The following TTC7B variants were observed in gnomAD, a reference collection of about 807,000 sequenced individuals.
TTC7B encodes the protein tetratricopeptide repeat protein 7B.
In TTC7B, 28 loss-of-function variants were observed where a neutral mutation model predicts 106.8. The observed-to-expected ratio is 0.26, with a 90% CI of 0.19 to 0.36. The LOEUF is 0.36. Among genes scored for constraint, TTC7B ranks in the 10% least tolerant of loss-of-function variants. The pLI, the probability that TTC7B is intolerant of heterozygous loss-of-function variation, is 1.00. For missense variants in TTC7B, 862 were observed against 1,076.4 expected, an observed-to-expected ratio of 0.80 and a Z score of 2.79; for synonymous variants, 405 against 430.6, an observed-to-expected ratio of 0.94 and a Z score of 0.74.
At chr14:90,785,446 C>A (rs1891353768) in intron 2 of TTC7B, among the ~76,000 whole-genome samples, 1 of 152,074 alleles carries the variant, frequency 6.6e-6, no homozygotes, top group Admixed American at 6.6e-5. Flanking sequence ...CCACAGACAG[C>A]CATCTGAACT....
chr14:90,747,263 T>A (rs1324269211), intron 3 of TTC7B, among the ~76,000 whole-genome samples: 3 of 152,204 alleles, frequency 2.0e-5, no homozygotes, highest in Non-Finnish European at 4.4e-5. Flanking sequence ...CACACTCCGT[T>A]GCAGGGAGAA....
chr14:90,551,402 G>A (rs184913760), intron 19 of TTC7B, among the ~76,000 whole-genome samples: 262 of 152,238 alleles, frequency 1.7e-3, no homozygotes, highest in African/African-American at 6.1e-3. Flanking sequence ...CTCTAAGAGT[G>A]GGTTCCCTGA....
chr14:90,727,208 G>A (rs1889139183), intron 5 of TTC7B, among the ~76,000 whole-genome samples: 1 of 152,196 alleles, frequency 6.6e-6, no homozygotes, highest in Non-Finnish European at 1.5e-5. Context: ...GCTGGGAACT[G>A]TCTGTGGGCG....
intron 12 of TTC7B, 62 bp from the exon 13 acceptor site, chr14:90,652,960 AC>A: frequency 6.4e-7 from 1 of 1,553,564 alleles, no homozygotes; most frequent in Non-Finnish European, 8.9e-7. Flanking sequence ...CAAATACAAA[AC>A]CCATCACAAA....
At chr14:90,596,806 A>G (rs1185148435) in intron 17 of TTC7B, among the ~76,000 whole-genome samples, 1 of 152,228 alleles carries the variant, frequency 6.6e-6, no homozygotes, top group African/African-American at 2.4e-5. Context: ...TACCAGGCCC[A>G]TACTAAGTAT....
rs559669801 is a variant in TTC7B at position 90,552,177 on chromosome 14, G to A, written c.2311-10588C>T. ...CCAGCCCCACAGCCCCACACCTCCT[G>A]CACACCTCTGCCCGTCAGAGCTCCA... On this transcript the variant is annotated intron_variant, in intron 19 of 19. Coordinates refer to ENST00000328459, the MANE Select transcript of TTC7B (RefSeq NM_001010854.2). Among the ~76,000 whole-genome samples the A allele has an allele frequency of 7.2e-5, 11 of 152,262 alleles. No individual in the cohort carries two copies. In the South Asian group the frequency reaches 1.2e-3, roughly 17 times the overall value.
intron 1 of TTC7B, 131 bp downstream of exon 1, chr14:90,816,044 C>A: frequency 1.0e-6 from 1 of 960,184 alleles, no homozygotes; most frequent in South Asian, 4.7e-5. Context: ...GCGCACATCC[C>A]CTGGGCCGCA....
At chr14:90,806,237 T>A (rs2030598502) in intron 1 of TTC7B, among the ~76,000 whole-genome samples, 1 of 152,210 alleles carries the variant, frequency 6.6e-6, no homozygotes, top group Admixed American at 6.5e-5. Flanking sequence ...CATTCTGTGC[T>A]GGGCTCGCCA....
Position 90,528,868 on chromosome 14 carries a change from C to T in TTC7B, c.*12500G>A, listed in dbSNP as rs1345486485. The T allele has an allele frequency of 6.6e-5, 10 of 152,394 alleles. No individual in the cohort carries two copies. Among genetic ancestry groups the T allele is most frequent in the Admixed American group, 1.3e-4 (2 of 15,194 alleles). 9.4% of individuals were successfully genotyped at this position (152,394 alleles called of 1,614,324 possible). A position where few individuals can be genotyped will look rare whatever the true frequency, so the allele number is the denominator to read the frequency against. On this transcript the variant is annotated 3_prime_UTR_variant, in exon 20 of 20. Coordinates refer to ENST00000328459, the MANE Select transcript of TTC7B (RefSeq NM_001010854.2). ...ATGACTGCGCTTCGTTACCCATTTC[C>T]GATGGTGTGACCTGACTACGCTTTG... is the stretch of plus-strand genomic sequence containing the variant.
intron 17 of TTC7B, among the ~76,000 whole-genome samples, chr14:90,603,037 T>C (rs1054598690): frequency 1.3e-5 from 2 of 152,186 alleles, no homozygotes; most frequent in Non-Finnish European, 2.9e-5. Flanking sequence ...CTCAGATCAA[T>C]ACTGCCTCCT....
rs557401699 is a variant in TTC7B, at chr14:90,600,429, G to A, written c.1967-6803C>T. ...GCCCACCCAGTCCCACCAACCATGA[G>A]GGCTCCTGCTGTGGGTTCCTCTGAT... On this transcript the variant is annotated intron_variant, in intron 17 of 19. Transcript: ENST00000328459. This position sits in a 1 kb window ranked among gnomAD's most constrained non-coding sequence, Gnocchi z 4.3. Among the ~76,000 whole-genome samples the A allele has an allele frequency of 5.6e-4, 86 of 152,234 alleles. No individual in the cohort carries two copies. Among genetic ancestry groups the A allele is most frequent in the African/African-American group, 2.0e-3 (85 of 41,544 alleles).
intron 4 of TTC7B, among the ~76,000 whole-genome samples, chr14:90,743,264 C>T (rs1889836694): frequency 6.6e-6 from 1 of 152,204 alleles, no homozygotes; most frequent in South Asian, 2.1e-4. Context: ...TCCCATCACT[C>T]TCTCCACCTC....
intron 1 of TTC7B, among the ~76,000 whole-genome samples, chr14:90,789,932 C>G (rs1034830795): frequency 1.3e-5 from 2 of 151,158 alleles, no homozygotes; most frequent in Non-Finnish European, 3.0e-5. Context: ...GGTCAACATG[C>G]AATCATATTT....
At chr14:90,616,113 G>C (rs569517456) in intron 16 of TTC7B, among the ~76,000 whole-genome samples, 1 of 152,132 alleles carries the variant, frequency 6.6e-6, no homozygotes, top group African/African-American at 2.4e-5. Flanking sequence ...GAGAGGTGTG[G>C]GGAACTGAGG....
intron 1 of TTC7B, among the ~76,000 whole-genome samples, chr14:90,795,027 C>T (rs1421997766): frequency 2.6e-5 from 4 of 151,990 alleles, no homozygotes; most frequent in African/African-American, 4.8e-5. Flanking sequence ...TACCTAATAA[C>T]GTGTCCAGCT....
intron 7 of TTC7B, among the ~76,000 whole-genome samples, chr14:90,685,849 TA>T (rs201584290): frequency 3.3e-5 from 5 of 150,556 alleles, no homozygotes; most frequent in East Asian, 3.9e-4. Context: ...AATTAGCATT[TA>T]AAAAAAAACA....
At chr14:90,558,106 T>C (rs1054450150) in intron 19 of TTC7B, among the ~76,000 whole-genome samples, 2 of 152,268 alleles carry the variant, frequency 1.3e-5, no homozygotes, top group African/African-American at 4.8e-5. Flanking sequence ...CCAGCTGTGC[T>C]GCAGCCACGC....
intron 5 of TTC7B, among the ~76,000 whole-genome samples, chr14:90,709,955 TAA>T (rs71461918): frequency 9.4e-6 from 1 of 105,920 alleles, no homozygotes; most frequent in Admixed American, 1.2e-4. Context: ...TCTCTTTCGT[TAA>T]AAAAAAAAAA....
chr14:90,760,347 AG>A (rs1890458159), intron 3 of TTC7B, among the ~76,000 whole-genome samples: 1 of 152,214 alleles, frequency 6.6e-6, no homozygotes, highest in South Asian at 2.1e-4. Context: ...TATCCTCCAC[AG>A]TCTGCAGAGG....
Sources: gnomAD v4.1 joint callset for allele counts (sites outside exome capture counted in the v4.1 genomes callset) on GRCh38, gnomAD v4.1.1 for gene constraint, Gnocchi (gnomAD v3.1) non-coding constraint, MANE v1.5 for transcripts, NCBI Gene and HGNC (gene_info 2026-07-23, HGNC 2026-07-21) for gene names.